The following LYSMD1 variants were observed in gnomAD, a reference collection of about 807,000 sequenced individuals.
LYSMD1 encodes lysM and putative peptidoglycan-binding domain-containing protein 1.
A neutral mutation model predicts 19.3 loss-of-function variants in LYSMD1; 9 were observed. The observed-to-expected ratio is 0.47, with a 90% CI of 0.28 to 0.81. The LOEUF (loss-of-function observed/expected upper bound fraction) is 0.81. Among genes scored for constraint, LYSMD1 ranks in the 40% least tolerant of loss-of-function variants. The probability of loss-of-function intolerance (pLI) is 0.11; values close to 1 mark genes in which losing one functional copy is unlikely to be tolerated. For missense variants in LYSMD1, 262 were observed against 279.8 expected (o/e 0.94, Z 0.45); for synonymous variants, 111 against 111.7 (o/e 0.99, Z 0.04).
At chr1:151,164,748 A>C (rs6699686) in intron 1 of LYSMD1, among the ~76,000 whole-genome samples, 14,448 of 152,204 alleles carry the variant, frequency 0.095, 2,384 homozygotes, top group African/African-American at 0.33. Context: ...GACCTTAGCC[A>C]AACTGGTTAA....
downstream of LYSMD1, among the ~76,000 whole-genome samples, chr1:151,155,233 T>C (rs1425039969): frequency 2.6e-5 from 4 of 152,244 alleles, no homozygotes; most frequent in Non-Finnish European, 5.9e-5. Flanking sequence ...TCCCCATCTC[T>C]GGCTATTAAG....
intron 1 of LYSMD1, among the ~76,000 whole-genome samples, chr1:151,164,632 T>C (rs1355270198): frequency 6.6e-6 from 1 of 152,206 alleles, no homozygotes; most frequent in Non-Finnish European, 1.5e-5. Flanking sequence ...AAATCAGCTC[T>C]CCATTAGTTG....
chr1:151,160,833 T>C lies in LYSMD1; in HGVS notation c.*49A>G, dbSNP rs199665959. On this transcript the variant is annotated 3_prime_UTR_variant, in exon 3 of 3. Transcript: ENST00000368908. ...GCCTCACCTCAGGCTCCTCTCCCCC[T>C]GAAGTTTCTCTTTCAACATCTTGCT... is the stretch of plus-strand genomic sequence containing the variant. 8.2e-6 allele frequency: 13 copies of C among 1,588,456 alleles called. No homozygotes were observed. The highest frequency in any genetic ancestry group is 1.1e-5 in the Non-Finnish European group (13 of 1,159,874).
chr1:151,163,515 G>A (rs1031287419), intron 1 of LYSMD1, among the ~76,000 whole-genome samples: 21 of 151,804 alleles, frequency 1.4e-4, no homozygotes, highest in African/African-American at 2.4e-4. Context: ...TAGTGTATTC[G>A]TATTTTCTTT....
Position 151,160,666 on chromosome 1 carries a change from G to A in LYSMD1, c.*216C>T. 1 of 455,654 alleles carries A rather than the reference G, an allele frequency of 2.2e-6. No individual in the cohort carries two copies. The allele number at this position is 455,654 out of a possible 1,614,324, so 28.2% of individuals were successfully genotyped here. Reference sequence around the variant, plus strand: ...TCTAAAGGACTCAACTCTAGATTCAGCCCAAGAACTGGGAAAGGTCCAGTT... The same window carrying A: ...TCTAAAGGACTCAACTCTAGATTCAACCCAAGAACTGGGAAAGGTCCAGTT... On this transcript the variant is annotated 3_prime_UTR_variant, in exon 3 of 3. Transcript: ENST00000368908.
At chr1:151,157,815 T>G (rs1007968414), downstream of LYSMD1, among the ~76,000 whole-genome samples, 4 of 152,218 alleles carry the variant, frequency 2.6e-5, no homozygotes, top group African/African-American at 9.6e-5. Flanking sequence ...TAGTTATTAC[T>G]CCTATTAGGA....
downstream of LYSMD1, chr1:151,156,596 G>A (rs1268419808): frequency 6.6e-6 from 1 of 152,228 alleles, no homozygotes; most frequent in Non-Finnish European, 1.5e-5. Flanking sequence ...CGGAGGTTAA[G>A]CAGAGAGTAG....
chr1:151,165,029 G>T, intron 1 of LYSMD1, 50 bp downstream of exon 1: 1 of 1,542,106 alleles, frequency 6.5e-7, no homozygotes, highest in Non-Finnish European at 8.9e-7. Context: ...TTCTTCTCAG[G>T]ACTAAATCCC....
At chr1:151,161,139 T>A in intron 2 of LYSMD1, 119 bp from the exon 3 acceptor site, 2 of 1,013,888 alleles carry the variant, frequency 2.0e-6, no homozygotes, top group East Asian at 2.5e-5. Flanking sequence ...TTCAAGACAG[T>A]CTCAGTACCC....
At chr1:151,158,895 G>A (rs773903045), downstream of LYSMD1, 5 of 1,614,092 alleles carry the variant, frequency 3.1e-6, no homozygotes, top group South Asian at 5.5e-5. Flanking sequence ...TGATCAAAGT[G>A]GCCATCAAGG....
chr1:151,153,399 A>G, the LYSMD1 span, among the ~76,000 whole-genome samples: 1 of 152,092 alleles, frequency 6.6e-6, no homozygotes, highest in Non-Finnish European at 1.5e-5. Context: ...TCACGCCTGT[A>G]ATCCCAGCAC....
downstream of LYSMD1, among the ~76,000 whole-genome samples, chr1:151,158,323 A>C (rs1380175177): frequency 1.7e-5 from 2 of 114,514 alleles, no homozygotes; most frequent in Non-Finnish European, 3.6e-5. Context: ...ACTCCGTCTC[A>C]AAAAAAAAAA....
At position 151,161,759 on chromosome 1, in the gene LYSMD1, C is replaced by T; in HGVS notation, c.522G>A (p.Gln174=). 3 of 1,607,582 alleles carry T rather than the reference C, an allele frequency of 1.9e-6. No individual in the cohort carries two copies. The highest frequency in any genetic ancestry group is 1.3e-5 in the African/African-American group (1 of 74,340). Reference sequence around the variant, plus strand: ...ACCCATTTTCCCCTTTTTTCAGCTTCTGAGCAGCAGCCTTCTTGGACAGGC... The same window carrying T: ...ACCCATTTTCCCCTTTTTTCAGCTTTTGAGCAGCAGCCTTCTTGGACAGGC... ...QISLSKKAAA[Q]KLKKGENGVP... Residue 174 remains glutamine (Q), a synonymous_variant, in exon 2 of 3, where the codon CAG becomes CAA. Transcript: ENST00000368908.
downstream of LYSMD1, among the ~76,000 whole-genome samples, chr1:151,157,863 A>G (rs1018012598): frequency 2.2e-4 from 34 of 152,246 alleles, no homozygotes; most frequent in African/African-American, 7.2e-4. Flanking sequence ...TAAAGGAAGT[A>G]TAGTGCACTA....
chr1:151,154,922 G>T (rs908667370), downstream of LYSMD1, among the ~76,000 whole-genome samples: 2 of 152,004 alleles, frequency 1.3e-5, no homozygotes, highest in Non-Finnish European at 2.9e-5. Context: ...GGGATTACAG[G>T]TGTGAGCCAC....
chr1:151,158,809 G>A (rs1028796570), downstream of LYSMD1: 1 of 1,613,992 alleles, frequency 6.2e-7, no homozygotes, highest in African/African-American at 1.3e-5. Context: ...AAGCAGTGAG[G>A]TGCTAGATGA....
chr1:151,153,023 C>T, the LYSMD1 span, among the ~76,000 whole-genome samples: 1 of 152,186 alleles, frequency 6.6e-6, no homozygotes, highest in East Asian at 1.9e-4. Flanking sequence ...CATTGAAAGT[C>T]ATTGAGACTT....
At chr1:151,154,102 A>G in the LYSMD1 span, among the ~76,000 whole-genome samples, 1 of 152,330 alleles carries the variant, frequency 6.6e-6, no homozygotes, top group Middle Eastern at 3.4e-3. Context: ...TTCTTTCAGC[A>G]CATATTTATT....
At chr1:151,163,858 T>C (rs1204500464) in intron 1 of LYSMD1, among the ~76,000 whole-genome samples, 1 of 149,834 alleles carries the variant, frequency 6.7e-6, no homozygotes, top group African/African-American at 2.5e-5. Flanking sequence ...TGAAATTTAA[T>C]CTTTTCTGAT....
Sources: allele counts gnomAD v4.1 joint callset (sites outside exome capture counted in the v4.1 genomes callset), GRCh38; gene constraint gnomAD v4.1.1; transcripts MANE v1.5; gene names NCBI Gene and HGNC (gene_info 2026-07-23, HGNC 2026-07-21).